The following GOLGA7B variants were observed in gnomAD, a reference collection of about 807,000 sequenced individuals.
GOLGA7B encodes the protein golgin A7 family member B.
In GOLGA7B, 17 loss-of-function variants were observed where a neutral mutation model predicts 21.5. The observed-to-expected ratio is 0.79, with a 90% CI of 0.54 to 1.19. The LOEUF (loss-of-function observed/expected upper bound fraction) is 1.19. Among genes scored for constraint, GOLGA7B ranks in the 50% most tolerant of loss-of-function variants. GOLGA7B has a pLI of 0.00. For missense variants in GOLGA7B, 169 were observed against 224.4 expected, an observed-to-expected ratio of 0.75 and a Z score of 1.58; for synonymous variants, 87 against 84.0, an observed-to-expected ratio of 1.04 and a Z score of -0.19.
chr10:97,863,987 G>C lies in GOLGA7B; in HGVS notation c.196G>C (p.Ala66Pro), dbSNP rs771822768. Residue 66 changes from alanine (A) to proline (P), a missense_variant, in exon 3 of 5, where the codon GCT (alanine) becomes CCT (proline). Physicochemically the swap from Ala to Pro is conservative, Grantham distance 27 (BLOSUM62 -1). Coordinates refer to ENST00000370602, the MANE Select transcript of GOLGA7B (RefSeq NM_001010917.3). ...VKTLNGFYAE[A>P]EKIGGSSYLE... ...GACCCTCAACGGATTTTACGCAGAGGCTGAGAAGATTGGGGGCAGCTCCTA... is the reference window on the plus strand; with the variant it reads ...GACCCTCAACGGATTTTACGCAGAGCCTGAGAAGATTGGGGGCAGCTCCTA... The C allele has an allele frequency of 6.2e-7, 1 of 1,614,216 alleles. No individual in the cohort carries two copies. The highest frequency in any genetic ancestry group is 8.5e-7 in the Non-Finnish European group (1 of 1,180,036).
chr10:97,859,390 C>T, intron 1 of GOLGA7B, 68 bp from the exon 2 acceptor site: 1 of 1,521,844 alleles, frequency 6.6e-7, no homozygotes, highest in African/African-American at 1.4e-5. Context: ...TTCTGGGAAA[C>T]CCCTGCATTT....
Position 97,864,182 on chromosome 10 carries a change from TTCCCGCTACA to T in GOLGA7B, c.310_319del (p.Tyr105SerfsTer22). 1 of 1,614,194 alleles carries T rather than the reference TTCCCGCTACA, an allele frequency of 6.2e-7. No homozygotes were observed. Among genetic ancestry groups the T allele is most frequent in the Non-Finnish European group, 8.5e-7 (1 of 1,180,016 alleles). The stretch of plus-strand genomic sequence containing the variant: ...TCTTTTTGCAGGTTCTCAAGAAGAT[TTCCCGCTACA>T]TCCAGGAGCAGAATGAGAAGATCTT... On this transcript the variant is annotated frameshift_variant, in exon 4 of 5. Transcript: ENST00000370602. LOFTEE classifies it high-confidence loss of function.
In GOLGA7B at chr10:97,866,037, A is replaced by C; in HGVS notation, c.*337A>C. On this transcript the variant is annotated 3_prime_UTR_variant, in exon 5 of 5. Coordinates refer to ENST00000370602, the MANE Select transcript of GOLGA7B (RefSeq NM_001010917.3). ...CCTCTCTTCCACAGCCCCTCTCCCA[A>C]CCCTGCGAGGGGGGCCGAGGCCTGC... The C allele has an allele frequency of 2.5e-5, 8 of 316,080 alleles. No homozygotes were observed. The highest frequency in any genetic ancestry group is 5.4e-5 in the East Asian group (1 of 18,610). The allele number at this position is 316,080 out of a possible 1,614,324, so 19.6% of individuals were successfully genotyped here.
chr10:97,857,665 G>GCAATCCTATGCAAAGAA (rs1194492515), intron 1 of GOLGA7B, among the ~76,000 whole-genome samples: 20 of 152,168 alleles, frequency 1.3e-4, no homozygotes, highest in African/African-American at 7.2e-5. Context: ...AATAGCCAAA[G>GCAATCCTATGCAAAGAA]CAATCCTATG....
chr10:97,865,746 C>A lies in GOLGA7B; in HGVS notation c.*46C>A. The A allele has an allele frequency of 1.3e-6, 2 of 1,484,372 alleles. No individual in the cohort carries two copies. The highest frequency in any genetic ancestry group is 1.9e-5 in the Admixed American group (1 of 52,972). 92.0% of individuals were successfully genotyped at this position (1,484,372 alleles called of 1,614,324 possible). On this transcript the variant is annotated 3_prime_UTR_variant, in exon 5 of 5. Coordinates refer to ENST00000370602, the MANE Select transcript of GOLGA7B (RefSeq NM_001010917.3). ...GGAGGTGTATGGCCGGAGTGAGGGC[C>A]TTGCAGACCTGCGGCGGCTGCGCTA...
chr10:97,860,601 C>T (rs966653592), intron 2 of GOLGA7B, among the ~76,000 whole-genome samples: 10 of 152,354 alleles, frequency 6.6e-5, no homozygotes, highest in African/African-American at 2.2e-4. Flanking sequence ...GATCCGCCCT[C>T]CTCGGCCTCC....
rs1382733455 is a variant in GOLGA7B, at chr10:97,866,382, G to C, written c.*682G>C. 10 of 152,298 alleles carry C rather than the reference G, an allele frequency of 6.6e-5. No individual in the cohort carries two copies. The highest frequency in any genetic ancestry group is 2.4e-4 in the African/African-American group (10 of 41,462). The allele number at this position is 152,298 out of a possible 1,614,324, so 9.4% of individuals were successfully genotyped here. On this transcript the variant is annotated 3_prime_UTR_variant, in exon 5 of 5. Coordinates refer to ENST00000370602, the MANE Select transcript of GOLGA7B (RefSeq NM_001010917.3). ...AGACTTTGCAGGCTGCCAGGTGCTG[G>C]TTGGGGGGCACAGAGCCTGGGGCTC... is the stretch of plus-strand genomic sequence containing the variant.
intron 4 of GOLGA7B, 65 bp from the exon 5 acceptor site, chr10:97,865,525 G>T (rs375102264): frequency 1.3e-6 from 2 of 1,588,114 alleles, no homozygotes; most frequent in South Asian, 1.1e-5. Context: ...GACTCCATCC[G>T]CTGGTTCATG....
chr10:97,863,249 G>A (rs1263532842), intron 2 of GOLGA7B, among the ~76,000 whole-genome samples: 3 of 152,238 alleles, frequency 2.0e-5, no homozygotes, highest in East Asian at 1.9e-4. Flanking sequence ...GGGGATGGCA[G>A]TAGTACTTTT....
chr10:97,852,887 G>T (rs1391405431), intron 1 of GOLGA7B, among the ~76,000 whole-genome samples: 1 of 152,200 alleles, frequency 6.6e-6, no homozygotes, highest in Non-Finnish European at 1.5e-5. Flanking sequence ...CATTTGGAGA[G>T]CTGCAATGAG....
rs2050052747 is a variant in GOLGA7B, at chr10:97,868,426, G to A, written c.*2726G>A. 1 of 152,298 alleles carries A rather than the reference G, an allele frequency of 6.6e-6. No homozygotes were observed. Among genetic ancestry groups the A allele is most frequent in the South Asian group, 2.1e-4 (1 of 4,836 alleles). 9.4% of individuals were successfully genotyped at this position (152,298 alleles called of 1,614,324 possible). On this transcript the variant is annotated 3_prime_UTR_variant, in exon 5 of 5. Coordinates refer to ENST00000370602, the MANE Select transcript of GOLGA7B (RefSeq NM_001010917.3). Reference sequence around the variant, plus strand: ...GGCACCCAGATGGGAAGCTGCCTGAGGCTGCAGGGAGGCTGGGATCACAAA... The same window carrying A: ...GGCACCCAGATGGGAAGCTGCCTGAAGCTGCAGGGAGGCTGGGATCACAAA...
chr10:97,865,668 A>G lies in GOLGA7B; in HGVS notation c.472A>G (p.Ser158Gly). 1 of 1,610,124 alleles carries G rather than the reference A, an allele frequency of 6.2e-7. No individual in the cohort carries two copies. The highest frequency in any genetic ancestry group is 1.1e-5 in the South Asian group (1 of 90,510). The change falls in exon 5 of 5, where the codon AGC becomes GGC. Residue 158 changes from serine (S) to glycine (G), a missense_variant. By Grantham distance (56) the Ser-to-Gly change is moderately conservative. Transcript: ENST00000370602. ...SGSSSGSGSSSGGGGGAGAR is the reference protein window; with the variant it reads ...SGSSSGSGSSGGGGGGAGAR ...CAGCAGCAGCGGCAGTGGCAGCAGC[A>G]GCGGTGGGGGTGGTGGGGCGGGGGC...
chr10:97,853,239 C>T (rs755080743), intron 1 of GOLGA7B, among the ~76,000 whole-genome samples: 1 of 152,172 alleles, frequency 6.6e-6, no homozygotes, highest in African/African-American at 2.4e-5. Flanking sequence ...CCTCACTCCT[C>T]CTTCACACCC....
In GOLGA7B at chr10:97,865,887, C is replaced by A. The variant is rs2050017135; in HGVS notation, c.*187C>A. On this transcript the variant is annotated 3_prime_UTR_variant, in exon 5 of 5. Coordinates refer to ENST00000370602, the MANE Select transcript of GOLGA7B (RefSeq NM_001010917.3). Reference sequence around the variant, plus strand: ...ATCAACCTATGCCCCCTGTCCCTCACCCCCGTCTGGATCAGTCCATTTCCT... The same window carrying A: ...ATCAACCTATGCCCCCTGTCCCTCAACCCCGTCTGGATCAGTCCATTTCCT... 5.1e-6 allele frequency: 5 copies of A among 982,888 alleles called. 1 individual carries two copies. Among genetic ancestry groups the A allele is most frequent in the Admixed American group, 3.0e-5 (1 of 33,816 alleles). 60.9% of individuals were successfully genotyped at this position (982,888 alleles called of 1,614,324 possible).
intron 1 of GOLGA7B, among the ~76,000 whole-genome samples, chr10:97,853,395 A>G (rs1222006951): frequency 6.6e-6 from 1 of 152,178 alleles, no homozygotes; most frequent in African/African-American, 2.4e-5. Flanking sequence ...CTGGACCAGG[A>G]GCTCATTTGC....
intron 1 of GOLGA7B, among the ~76,000 whole-genome samples, chr10:97,856,485 TG>T (rs1431914503): frequency 6.6e-6 from 1 of 152,224 alleles, no homozygotes; most frequent in Non-Finnish European, 1.5e-5. Context: ...CAAGTGTTGA[TG>T]GTTGTTACTC....
Position 97,868,235 on chromosome 10 carries a change from C to T in GOLGA7B, c.*2535C>T, listed in dbSNP as rs1590167216. 1 of 152,234 alleles carries T rather than the reference C, an allele frequency of 6.6e-6. No individual in the cohort carries two copies. The highest frequency in any genetic ancestry group is 2.4e-5 in the African/African-American group (1 of 41,448). The allele number at this position is 152,234 out of a possible 1,614,324, so 9.4% of individuals were successfully genotyped here. ...TATGTGCCAGATACTTTGCTGAAACCATATGTTAGAGCTGGCAGGGGATTT... is the reference window on the plus strand; with the variant it reads ...TATGTGCCAGATACTTTGCTGAAACTATATGTTAGAGCTGGCAGGGGATTT... On this transcript the variant is annotated 3_prime_UTR_variant, in exon 5 of 5. Transcript: ENST00000370602.
chr10:97,863,846 C>A, intron 2 of GOLGA7B, 84 bp from the exon 3 acceptor site: 1 of 1,422,142 alleles, frequency 7.0e-7, no homozygotes, highest in Non-Finnish European at 9.6e-7. Flanking sequence ...CTACATGGCC[C>A]CACCATTGTC....
intron 4 of GOLGA7B, among the ~76,000 whole-genome samples, chr10:97,864,486 G>A (rs2049997190): frequency 6.6e-6 from 1 of 152,164 alleles, no homozygotes; most frequent in African/African-American, 2.4e-5. Flanking sequence ...TGTAATCAGT[G>A]CTTAGAATAT....
Sources: gnomAD v4.1 joint callset for allele counts (sites outside exome capture counted in the v4.1 genomes callset) on GRCh38, gnomAD v4.1.1 for gene constraint, MANE v1.5 for transcripts, NCBI Gene and HGNC (gene_info 2026-07-23, HGNC 2026-07-21) for gene names.